The following FHOD3 variants were observed in gnomAD, a reference collection of about 807,000 sequenced individuals.
FHOD3 encodes the protein formin homology 2 domain containing 3, also known as FH1/FH2 domain-containing protein 3.
FHOD3 carries 90 observed loss-of-function variants against 173.0 expected under a neutral mutation model. The ratio of observed to expected loss-of-function variants is 0.52; its 90% CI spans 0.44 to 0.62. FHOD3 has a LOEUF of 0.62. Ranked by LOEUF, FHOD3 falls within the 20% of genes least tolerant of loss-of-function variation. FHOD3 has a pLI of 0.00. For synonymous variants in FHOD3, 828 were observed against 823.0 expected (o/e 1.01, Z -0.10); for missense variants, 1,945 against 2,034.7 (o/e 0.96, Z 0.85).
intron 17 of FHOD3, among the ~76,000 whole-genome samples, chr18:36,695,586 G>A (rs1249763439): frequency 2.6e-5 from 4 of 152,182 alleles, no homozygotes; most frequent in Admixed American, 2.6e-4. Context: ...TAGAAGAGCT[G>A]TCCATTGTAT....
intron 14 of FHOD3, among the ~76,000 whole-genome samples, chr18:36,667,177 T>G (rs1388837347): frequency 6.6e-6 from 1 of 152,200 alleles, no homozygotes; most frequent in African/African-American, 2.4e-5. Context: ...TGGGTTGTCT[T>G]TGTATGTACA....
At chr18:36,316,741 A>C (rs913140373) in intron 1 of FHOD3, among the ~76,000 whole-genome samples, 1 of 151,490 alleles carries the variant, frequency 6.6e-6, no homozygotes, top group African/African-American at 2.4e-5. Flanking sequence ...TTTATATTAT[A>C]CTTTAAGTTC....
At chr18:36,361,176 C>T (rs917068900) in intron 2 of FHOD3, among the ~76,000 whole-genome samples, 1 of 152,000 alleles carries the variant, frequency 6.6e-6, no homozygotes, top group Admixed American at 6.5e-5. Context: ...TAGTGCTATG[C>T]AAGGCTCAAA....
chr18:36,558,858 C>G (rs2057988788), intron 5 of FHOD3, among the ~76,000 whole-genome samples: 1 of 152,286 alleles, frequency 6.6e-6, no homozygotes, highest in East Asian at 1.9e-4. Flanking sequence ...ACTAAAAACT[C>G]AAAGAGAACG....
chr18:36,614,809 T>G (rs540847297), intron 9 of FHOD3, among the ~76,000 whole-genome samples: 1 of 152,156 alleles, frequency 6.6e-6, no homozygotes, highest in South Asian at 2.1e-4. Flanking sequence ...GGAGAAATAT[T>G]TATTCCGATC....
chr18:36,684,824 A>G (rs1443817854), intron 15 of FHOD3, among the ~76,000 whole-genome samples: 1 of 152,160 alleles, frequency 6.6e-6, no homozygotes, highest in Non-Finnish European at 1.5e-5. Context: ...GTTTCTTGAG[A>G]CAGGGTGTCA....
chr18:36,664,248 A>G (rs1016608626), intron 14 of FHOD3, among the ~76,000 whole-genome samples: 11 of 152,182 alleles, frequency 7.2e-5, no homozygotes, highest in Admixed American at 2.6e-4. Flanking sequence ...TTGTTTTTCT[A>G]TGTGACACAG....
chr18:36,404,143 C>T (rs2146730405), intron 3 of FHOD3, among the ~76,000 whole-genome samples: 1 of 152,358 alleles, frequency 6.6e-6, no homozygotes, highest in African/African-American at 2.4e-5. Context: ...ACCCAGGCCT[C>T]TCTGACCTCC....
intron 3 of FHOD3, among the ~76,000 whole-genome samples, chr18:36,419,461 T>C (rs548996347): frequency 6.6e-4 from 100 of 152,258 alleles, no homozygotes; most frequent in African/African-American, 2.2e-3. Context: ...TCTGAGCTCT[T>C]GCTTTCTGTT....
chr18:36,682,089 T>A (rs2149406086), intron 15 of FHOD3, among the ~76,000 whole-genome samples: 1 of 152,326 alleles, frequency 6.6e-6, no homozygotes, highest in South Asian at 2.1e-4. Context: ...CTGGTCTCTG[T>A]ACAGCTTCAA....
chr18:36,476,949 T>A (rs535255595), intron 3 of FHOD3, among the ~76,000 whole-genome samples: 11 of 152,292 alleles, frequency 7.2e-5, no homozygotes, highest in African/African-American at 2.2e-4. Context: ...ATTGAGGAAG[T>A]AAGACCTGCA....
chr18:36,412,518 G>A (rs2049407566), intron 3 of FHOD3, among the ~76,000 whole-genome samples: 1 of 152,184 alleles, frequency 6.6e-6, no homozygotes. Flanking sequence ...AGCTGGGAAA[G>A]CTATCCATGT....
intron 7 of FHOD3, 57 bp downstream of exon 7, chr18:36,594,955 C>T (rs2030069460): frequency 8.8e-7 from 1 of 1,141,888 alleles, no homozygotes; most frequent in Non-Finnish European, 1.3e-6. Context: ...TGTAGGGAGG[C>T]TTCTGTGTTG....
Position 36,730,757 on chromosome 18 carries a change from G to T in FHOD3, c.3529G>T (p.Ala1177Ser). The T allele has an allele frequency of 6.2e-7, 1 of 1,614,102 alleles. No homozygotes were observed. The highest frequency in any genetic ancestry group is 1.6e-4 in the Middle Eastern group (1 of 6,062). The part of the protein sequence containing the change: ...VLPPPRTIKI[A>S]ILNFDEYALN... The stretch of plus-strand genomic sequence containing the variant: ...GCCCCCTCCAAGGACGATTAAGATC[G>T]CCATTTTGAATTTTGATGAGTATGC... Residue 1177 changes from alanine (A) to serine (S), a missense_variant, in exon 20 of 29, where the codon GCC becomes TCC. Physicochemically the swap from Ala to Ser is moderately conservative, Grantham distance 99 (BLOSUM62 1). Coordinates refer to ENST00000590592, the MANE Select transcript of FHOD3 (RefSeq NM_001281740.3).
chr18:36,606,333 G>A, intron 8 of FHOD3, among the ~76,000 whole-genome samples: 1 of 152,086 alleles, frequency 6.6e-6, no homozygotes, highest in East Asian at 1.9e-4. Flanking sequence ...GGACCTTTTT[G>A]CCATGCCATC....
At position 36,779,399 on chromosome 18, in the gene FHOD3, C is replaced by G. The variant is rs371756553; in HGVS notation, c.4787-49C>G. 2.2e-5 allele frequency: 35 copies of G among 1,576,178 alleles called. No homozygotes were observed. The Middle Eastern group carries it at 5.2e-4, about 23-fold the overall frequency. On this transcript the variant is annotated intron_variant, in intron 28 of 28. Transcript: ENST00000590592. ...ACTGCCCTGTGCCTTGCTGCTCATA[C>G]TTCCTTTTCTTCTCATCCCTTTGGG... is the stretch of plus-strand genomic sequence containing the variant.
Position 36,779,840 on chromosome 18 carries a change from C to T in FHOD3, c.*310C>T. 1 of 464,448 alleles carries T rather than the reference C, an allele frequency of 2.2e-6. No individual in the cohort carries two copies. The highest frequency in any genetic ancestry group is 3.8e-5 in the Admixed American group (1 of 26,372). 28.8% of individuals were successfully genotyped at this position (464,448 alleles called of 1,614,324 possible). On this transcript the variant is annotated 3_prime_UTR_variant, in exon 29 of 29. Coordinates refer to ENST00000590592, the MANE Select transcript of FHOD3 (RefSeq NM_001281740.3). The stretch of plus-strand genomic sequence containing the variant: ...AACAGCCCCTTTAAGGAGCAAATCA[C>T]TTCTGTCACAGTTATTATGGTAATA...
At chr18:36,496,268 G>A (rs575784558) in intron 3 of FHOD3, among the ~76,000 whole-genome samples, 1 of 152,322 alleles carries the variant, frequency 6.6e-6, no homozygotes, top group East Asian at 1.9e-4. Context: ...GGCCTCTCTT[G>A]AACCACATCA....
intron 3 of FHOD3, among the ~76,000 whole-genome samples, chr18:36,457,461 A>G (rs542000892): frequency 6.6e-6 from 1 of 152,214 alleles, no homozygotes; most frequent in Admixed American, 6.5e-5. Flanking sequence ...TTCCGTACAG[A>G]ACATCTGACT....
Sources: allele counts gnomAD v4.1 joint callset (sites outside exome capture counted in the v4.1 genomes callset), GRCh38; gene constraint gnomAD v4.1.1; transcripts MANE v1.5; gene names NCBI Gene and HGNC (gene_info 2026-07-23, HGNC 2026-07-21).